The following UQCC2 variants were observed in gnomAD, a reference collection of about 807,000 sequenced individuals.
The protein encoded by UQCC2 is breast cancer-associated protein SGA-81M.
Under a neutral mutation model 19.9 loss-of-function variants are expected in UQCC2, and 21 were observed. That is an observed-to-expected ratio of 1.05 (90% CI 0.75 to 1.52). The LOEUF is 1.52. Among genes scored for constraint, UQCC2 ranks in the 40% most tolerant of loss-of-function variants. The probability of loss-of-function intolerance (pLI) is 0.00; values close to 1 mark genes in which losing one functional copy is unlikely to be tolerated. For missense variants in UQCC2, 135 were observed against 157.5 expected, an observed-to-expected ratio of 0.86 and a Z score of 0.76; for synonymous variants, 57 against 60.9, an observed-to-expected ratio of 0.94 and a Z score of 0.30.
At chr6:33,705,722 C>G (rs1194432075) in intron 1 of UQCC2, among the ~76,000 whole-genome samples, 1 of 152,208 alleles carries the variant, frequency 6.6e-6, no homozygotes, top group Non-Finnish European at 1.5e-5. Flanking sequence ...ACACTTTATT[C>G]ACAGACTCCA....
intron 2 of UQCC2, among the ~76,000 whole-genome samples, chr6:33,700,994 C>A (rs138930854): frequency 6.6e-6 from 1 of 152,202 alleles, no homozygotes; most frequent in Non-Finnish European, 1.5e-5. Flanking sequence ...ATCATCCCAT[C>A]TTTATCACCA....
chr6:33,701,512 G>A (rs1439595424), intron 1 of UQCC2, 92 bp from the exon 2 acceptor site: 17 of 1,306,054 alleles, frequency 1.3e-5, no homozygotes, highest in South Asian at 5.6e-5. Context: ...TTAATAAAGC[G>A]TTCACATGAA....
At position 33,711,698 on chromosome 6, in the gene UQCC2, C is replaced by G. The variant is rs1430141114; in HGVS notation, c.-12G>C. ...CGGCTGGCCGCCATCTTGGGCCCCG[C>G]GTGTTCCCGCCTTAGCGGGAGGAGT... On this transcript the variant is annotated 5_prime_UTR_variant, in exon 1 of 4. Transcript: ENST00000607484. 1.6e-5 allele frequency: 26 copies of G among 1,603,626 alleles called. 1 individual carries two copies. The highest frequency in any genetic ancestry group is 2.2e-5 in the Non-Finnish European group (26 of 1,176,362).
chr6:33,704,952 T>C (rs1373850161), intron 1 of UQCC2, among the ~76,000 whole-genome samples: 5 of 151,998 alleles, frequency 3.3e-5, no homozygotes, highest in African/African-American at 1.2e-4. Context: ...CGGGTCACCC[T>C]TGCAGAGTGC....
At chr6:33,702,479 A>C (rs1322027946) in intron 1 of UQCC2, among the ~76,000 whole-genome samples, 1 of 152,242 alleles carries the variant, frequency 6.6e-6, no homozygotes, top group African/African-American at 2.4e-5. Context: ...GACCACAGTT[A>C]GGTCCTGCTA....
At chr6:33,707,090 G>A (rs536770679) in intron 1 of UQCC2, among the ~76,000 whole-genome samples, 11 of 152,338 alleles carry the variant, frequency 7.2e-5, no homozygotes, top group Admixed American at 1.3e-4. Flanking sequence ...ATCCCTTCAG[G>A]TGGAGCACTG....
intron 1 of UQCC2, among the ~76,000 whole-genome samples, chr6:33,702,652 C>A (rs1379648675): frequency 1.3e-5 from 2 of 152,206 alleles, no homozygotes; most frequent in African/African-American, 4.8e-5. Flanking sequence ...CTAACTTTCC[C>A]TTTACTCTGT....
At position 33,711,688 on chromosome 6, in the gene UQCC2, T is replaced by C; in HGVS notation, c.-2A>G. On this transcript the variant is annotated 5_prime_UTR_variant, in exon 1 of 4. Coordinates refer to ENST00000607484, the MANE Select transcript of UQCC2 (RefSeq NM_032340.4). ...ACGCCGGTACCGGCTGGCCGCCATC[T>C]TGGGCCCCGCGTGTTCCCGCCTTAG... is the stretch of plus-strand genomic sequence containing the variant. The C allele has an allele frequency of 1.2e-6, 2 of 1,607,642 alleles. No individual in the cohort carries two copies. The highest frequency in any genetic ancestry group is 1.7e-6 in the Non-Finnish European group (2 of 1,177,852).
At chr6:33,702,949 C>T (rs967297743) in intron 1 of UQCC2, among the ~76,000 whole-genome samples, 3 of 152,194 alleles carry the variant, frequency 2.0e-5, no homozygotes, top group Non-Finnish European at 4.4e-5. Context: ...CCCATTCCTG[C>T]GTTCAGGCTA....
At chr6:33,698,026 G>A in intron 3 of UQCC2, 1 of 455,800 alleles carries the variant, frequency 2.2e-6, no homozygotes, top group Non-Finnish European at 4.0e-6. Flanking sequence ...GGGATGTGCT[G>A]CTCGTTGCCC....
intron 1 of UQCC2, among the ~76,000 whole-genome samples, chr6:33,708,338 G>A (rs1765723843): frequency 1.3e-5 from 2 of 152,222 alleles, no homozygotes; most frequent in Non-Finnish European, 2.9e-5. Context: ...GGGCCAGAGG[G>A]GCTGGGTCTG....
At chr6:33,700,680 TAC>T (rs1467451593) in intron 2 of UQCC2, among the ~76,000 whole-genome samples, 167 bp from the exon 3 acceptor site, 2 of 152,096 alleles carry the variant, frequency 1.3e-5, no homozygotes. Context: ...CAAGAACCAG[TAC>T]AGTCTCCAGG....
intron 1 of UQCC2, among the ~76,000 whole-genome samples, chr6:33,708,448 C>T (rs1432354740): frequency 6.6e-6 from 1 of 152,090 alleles, no homozygotes; most frequent in Non-Finnish European, 1.5e-5. Context: ...GTAATGGCTA[C>T]CACTCAGCTG....
chr6:33,700,877 T>C (rs1252712919), intron 2 of UQCC2, among the ~76,000 whole-genome samples: 2 of 152,188 alleles, frequency 1.3e-5, no homozygotes, highest in Non-Finnish European at 2.9e-5. Context: ...CCACAAATGT[T>C]TGTGGAGTTA....
intron 3 of UQCC2, among the ~76,000 whole-genome samples, chr6:33,699,829 T>C (rs1418646932): frequency 6.6e-6 from 1 of 152,244 alleles, no homozygotes; most frequent in African/African-American, 2.4e-5. Flanking sequence ...TATAATATAC[T>C]TGGCAACAAA....
chr6:33,711,480 C>G, intron 1 of UQCC2, 69 bp downstream of exon 1: 3 of 1,512,496 alleles, frequency 2.0e-6, no homozygotes, highest in Non-Finnish European at 2.6e-6. Flanking sequence ...CCCCTGCTAG[C>G]GCGCTCGTTG....
At chr6:33,711,449 G>C (rs538181069) in intron 1 of UQCC2, 100 bp downstream of exon 1, 21 of 1,461,034 alleles carry the variant, frequency 1.4e-5, no homozygotes, top group East Asian at 2.5e-5. Context: ...CCTGGAAAGA[G>C]GGCGCGCGCA....
intron 2 of UQCC2, 36 bp downstream of exon 2, chr6:33,701,310 G>A (rs561226000): frequency 1.9e-6 from 3 of 1,582,856 alleles, no homozygotes; most frequent in African/African-American, 1.4e-5. Flanking sequence ...TGTCCCGTCA[G>A]AAAGCTGGGT....
Position 33,700,464 on chromosome 6 carries a change from T to C in UQCC2, c.263A>G (p.Tyr88Cys), listed in dbSNP as rs1350197719. ...ATTACCTGTGGACAGGATCAGCTTGTACTCTTCCAACGACAGGCCACTGAA... is the reference window on the plus strand; with the variant it reads ...ATTACCTGTGGACAGGATCAGCTTGCACTCTTCCAACGACAGGCCACTGAA... ...TSFSGLSLEE[Y>C]KLILSTDTLE... The change falls in exon 3 of 4, where the codon TAC becomes TGC. Residue 88 changes from tyrosine (Y) to cysteine (C), a missense_variant. Coordinates refer to ENST00000607484, the MANE Select transcript of UQCC2 (RefSeq NM_032340.4). 6.8e-6 allele frequency: 11 copies of C among 1,614,198 alleles called. No homozygotes were observed. The highest frequency in any genetic ancestry group is 9.3e-6 in the Non-Finnish European group (11 of 1,180,032).
Sources: gnomAD v4.1 joint callset for allele counts (sites outside exome capture counted in the v4.1 genomes callset) on GRCh38, gnomAD v4.1.1 for gene constraint, MANE v1.5 for transcripts, NCBI Gene and HGNC (gene_info 2026-07-23, HGNC 2026-07-21) for gene names.